LAP3: variants seen among roughly 807,000 people sequenced by gnomAD.
LAP3 encodes leucine aminopeptidase 3, also known as cytosol aminopeptidase.
A neutral mutation model predicts 58.8 loss-of-function variants in LAP3; 46 were observed. The observed-to-expected ratio is 0.78, with a 90% CI of 0.62 to 1.00. LAP3 has a LOEUF of 1.00. Ranked by LOEUF, LAP3 falls within the 50% of genes least tolerant of loss-of-function variation. The pLI, the probability that LAP3 is intolerant of heterozygous loss-of-function variation, is 0.00. For synonymous variants in LAP3, 257 were observed against 237.7 expected, an observed-to-expected ratio of 1.08 and a Z score of -0.75; for missense variants, 615 against 659.1, an observed-to-expected ratio of 0.93 and a Z score of 0.73.
intron 6 of LAP3, among the ~76,000 whole-genome samples, chr4:17,588,083 T>C (rs563228334): frequency 6.6e-6 from 1 of 152,212 alleles, no homozygotes; most frequent in Admixed American, 6.5e-5. Flanking sequence ...GGTTGGGTGC[T>C]GTGGCGAGAT....
intron 2 of LAP3, among the ~76,000 whole-genome samples, chr4:17,580,217 C>A (rs1713321466): frequency 2.8e-5 from 2 of 71,476 alleles, no homozygotes; most frequent in Non-Finnish European, 5.3e-5. Flanking sequence ...TTGGGTTTCA[C>A]TGTTGTTGGC....
Position 17,588,968 on chromosome 4 carries a change from C to T in LAP3, c.854C>T (p.Thr285Ile). ...CTGGTGTTTGTTGGGAAAGGAATTA[C>T]CTTTGACAGGTATTTTTTATGGTGT... ...PPLVFVGKGI[T>I]FDSGGISIKA... The change falls in exon 7 of 13, where the codon ACC becomes ATC. Residue 285 changes from threonine (T) to isoleucine (I), a missense_variant. Coordinates refer to ENST00000226299, the MANE Select transcript of LAP3 (RefSeq NM_015907.3). The T allele has an allele frequency of 1.9e-6, 3 of 1,613,648 alleles. No individual in the cohort carries two copies. The highest frequency in any genetic ancestry group is 2.2e-5 in the South Asian group (2 of 91,064).
intron 7 of LAP3, among the ~76,000 whole-genome samples, chr4:17,592,702 C>T (rs979686922): frequency 3.3e-5 from 5 of 152,234 alleles, no homozygotes; most frequent in Non-Finnish European, 7.3e-5. Flanking sequence ...TCTACACCTT[C>T]CTCAGTATTT....
chr4:17,582,679 G>A (rs751863491), intron 4 of LAP3: 1 of 252,976 alleles, frequency 4.0e-6, no homozygotes, highest in Non-Finnish European at 7.7e-6. Context: ...CCCAGAACCT[G>A]TAGTGTATAG....
chr4:17,606,987 C>A, intron 12 of LAP3, 49 bp downstream of exon 12: 8 of 1,211,208 alleles, frequency 6.6e-6, no homozygotes, highest in South Asian at 1.3e-5. Flanking sequence ...CCTTGATTGC[C>A]AAAATAGCTA....
At chr4:17,607,267 T>A in intron 12 of LAP3, 133 bp from the exon 13 acceptor site, 1 of 667,442 alleles carries the variant, frequency 1.5e-6, no homozygotes, top group East Asian at 2.7e-5. Context: ...GAAACTGATA[T>A]GTGGGTTAGC....
At chr4:17,599,139 TG>T (rs2109023209) in intron 10 of LAP3, among the ~76,000 whole-genome samples, 1 of 152,302 alleles carries the variant, frequency 6.6e-6, no homozygotes, top group East Asian at 1.9e-4. Flanking sequence ...CCCAAAGTGC[TG>T]GGATTACAAG....
intron 2 of LAP3, among the ~76,000 whole-genome samples, 156 bp from the exon 3 acceptor site, chr4:17,581,604 G>A (rs1713364782): frequency 6.6e-6 from 1 of 151,888 alleles, no homozygotes; most frequent in Non-Finnish European, 1.5e-5. Context: ...AAGAAATCTG[G>A]CTTGAGAGCA....
chr4:17,581,905 G>A (rs1453731849), intron 3 of LAP3, 91 bp downstream of exon 3: 10 of 1,015,732 alleles, frequency 9.8e-6, no homozygotes, highest in Admixed American at 8.2e-5. Context: ...TAAACATTAT[G>A]TGTTGGATTG....
chr4:17,589,973 T>C (rs1221939011), intron 7 of LAP3, among the ~76,000 whole-genome samples: 1 of 152,204 alleles, frequency 6.6e-6, no homozygotes, highest in African/African-American at 2.4e-5. Context: ...ATCTGGTTAT[T>C]TCAGCCAAGG....
At chr4:17,605,823 T>C (rs1714113113) in intron 11 of LAP3, among the ~76,000 whole-genome samples, 1 of 151,990 alleles carries the variant, frequency 6.6e-6, no homozygotes, top group South Asian at 2.1e-4. Flanking sequence ...AAAAAAAAAA[T>C]CTCAGTTATA....
At chr4:17,597,773 CT>C (rs1444508669) in intron 9 of LAP3, among the ~76,000 whole-genome samples, 2 of 152,290 alleles carry the variant, frequency 1.3e-5, no homozygotes, top group South Asian at 2.1e-4. Context: ...CTATGAGTGA[CT>C]TTTTTCCATT....
At chr4:17,593,611 T>G in intron 7 of LAP3, among the ~76,000 whole-genome samples, 1 of 127,224 alleles carries the variant, frequency 7.9e-6, no homozygotes, top group South Asian at 2.6e-4. Context: ...CTGCTTGGGT[T>G]TTTTTTTTTT....
At position 17,606,906 on chromosome 4, in the gene LAP3, G is replaced by A; in HGVS notation, c.1338G>A (p.Gln446=). Residue 446 remains glutamine (Q), a synonymous_variant, in exon 12 of 13, where the codon CAG becomes CAA. Transcript: ENST00000226299. ...ATACAAGACAGGTTGTAGATTGCCA[G>A]CTTGCTGATGTTAACAACATTGGAA... is the stretch of plus-strand genomic sequence containing the variant. ...EHYTRQVVDC[Q]LADVNNIGKY... is the part of the protein sequence containing the mutation. 8.7e-6 allele frequency: 14 copies of A among 1,612,758 alleles called. No homozygotes were observed. The highest frequency in any genetic ancestry group is 1.1e-5 in the Non-Finnish European group (13 of 1,179,246).
chr4:17,582,346 A>G lies in LAP3; in HGVS notation c.332A>G (p.Gln111Arg), dbSNP rs756875826. ...LGKKAAGIDE[Q>R]ENWHEGKENI... is the part of the protein sequence containing the mutation. ...AAAAAGGCAGCTGGAATCGACGAAC[A>G]GGAAAACTGGCATGAAGGCAAAGAA... The change falls in exon 4 of 13, where the codon CAG (glutamine) becomes CGG (arginine). Residue 111 changes from glutamine (Q) to arginine (R), a missense_variant. Gln to Arg is a conservative substitution (Grantham distance 43, BLOSUM62 1). Coordinates refer to ENST00000226299, the MANE Select transcript of LAP3 (RefSeq NM_015907.3). 2 of 1,614,188 alleles carry G rather than the reference A, an allele frequency of 1.2e-6. No individual in the cohort carries two copies. Among genetic ancestry groups the G allele is most frequent in the South Asian group, 1.1e-5 (1 of 91,076 alleles).
rs1714157260 is a variant in LAP3, at chr4:17,606,962, C to T, written c.1370+24C>T. 5.6e-6 allele frequency: 8 copies of T among 1,438,728 alleles called. No individual in the cohort carries two copies. In the South Asian group the frequency reaches 5.9e-5, roughly 11 times the overall value. 89.1% of individuals were successfully genotyped at this position (1,438,728 alleles called of 1,614,324 possible). A position where few individuals can be genotyped will look rare whatever the true frequency, so the allele number is the denominator to read the frequency against. ...AGGTATGTAAGCTAAGCTAAATGTA[C>T]ATTTATACAATCATCCTTGATTGCC... On this transcript the variant is annotated intron_variant, in intron 12 of 12. Coordinates refer to ENST00000226299, the MANE Select transcript of LAP3 (RefSeq NM_015907.3).
At chr4:17,604,493 T>TAAATAGGG in intron 10 of LAP3, 95 bp from the exon 11 acceptor site, 1 of 773,516 alleles carries the variant, frequency 1.3e-6, no homozygotes, top group Non-Finnish European at 2.3e-6. Flanking sequence ...AGGAAGCCAT[T>TAAATAGGG]AAATAGGGTA....
In LAP3 at chr4:17,577,579, C is replaced by T. The variant is rs576797753; in HGVS notation, c.102+12C>T. 2.6e-6 allele frequency: 4 copies of T among 1,532,952 alleles called. No homozygotes were observed. The highest frequency in any genetic ancestry group is 5.1e-5 in the East Asian group (2 of 39,552). The allele number at this position is 1,532,952 out of a possible 1,614,324, so 95.0% of individuals were successfully genotyped here. ...CAGACATGACGAAGGTGAGAGGCGG[C>T]GGCTCGCTCATGGTCCGCCGCTGGG... On this transcript the variant is annotated intron_variant, in intron 1 of 12. Transcript: ENST00000226299.
intron 10 of LAP3, among the ~76,000 whole-genome samples, chr4:17,604,270 C>CAAAA (rs1188734524): frequency 1.5e-3 from 75 of 51,078 alleles, no homozygotes; most frequent in African/African-American, 3.7e-3. Flanking sequence ...AGACCTTTCT[C>CAAAA]AAAAAAAAAA....
Sources: gnomAD v4.1 joint callset for allele counts (sites outside exome capture counted in the v4.1 genomes callset) on GRCh38, gnomAD v4.1.1 for gene constraint, MANE v1.5 for transcripts, NCBI Gene and HGNC (gene_info 2026-07-23, HGNC 2026-07-21) for gene names.